Variants in UTRN observed in about 807,000 individuals in gnomAD.
UTRN encodes utrophin.
A neutral mutation model predicts 463.9 loss-of-function variants in UTRN; 283 were observed. The observed-to-expected ratio is 0.61, with a 90% CI of 0.55 to 0.67. UTRN has a LOEUF of 0.67. Among genes scored for constraint, UTRN ranks in the 30% least tolerant of loss-of-function variants. The pLI is 0.00. For synonymous variants in UTRN, 1,442 were observed against 1,431.5 expected, an observed-to-expected ratio of 1.01 and a Z score of -0.17; for missense variants, 3,922 against 4,084.3, an observed-to-expected ratio of 0.96 and a Z score of 1.08.
intron 2 of UTRN, among the ~76,000 whole-genome samples, chr6:144,293,747 G>A (rs1267584089): frequency 6.6e-6 from 1 of 152,066 alleles, no homozygotes; most frequent in African/African-American, 2.4e-5. Flanking sequence ...ATAGCTTTAG[G>A]AAATAGTTGT....
intron 53 of UTRN, among the ~76,000 whole-genome samples, chr6:144,703,682 G>A (rs1784811381): frequency 1.3e-5 from 2 of 152,162 alleles, no homozygotes; most frequent in African/African-American, 4.8e-5. Flanking sequence ...TAAATAAGAT[G>A]AGGACAGAAA....
At chr6:144,680,586 G>C (rs1041787574) in intron 52 of UTRN, among the ~76,000 whole-genome samples, 1 of 152,124 alleles carries the variant, frequency 6.6e-6, no homozygotes, top group African/African-American at 2.4e-5. Context: ...ACTTATTTCT[G>C]TGCTTAAGGC....
intron 51 of UTRN, among the ~76,000 whole-genome samples, chr6:144,610,027 AAAG>A (rs1461305583): frequency 2.6e-5 from 4 of 152,254 alleles, no homozygotes; most frequent in Non-Finnish European, 4.4e-5. Context: ...GGAACAATAA[AAAG>A]AAGAACAAGC....
intron 71 of UTRN, among the ~76,000 whole-genome samples, chr6:144,838,000 C>T (rs984126093): frequency 7.9e-5 from 12 of 152,176 alleles, no homozygotes; most frequent in Non-Finnish European, 1.6e-4. Flanking sequence ...TTTCATTCCG[C>T]GAACTTGAAG....
At chr6:144,664,802 G>C (rs1780220711) in intron 51 of UTRN, among the ~76,000 whole-genome samples, 1 of 151,434 alleles carries the variant, frequency 6.6e-6, no homozygotes, top group African/African-American at 2.4e-5. Flanking sequence ...CTCACAAACT[G>C]TTTCAAAACA....
Position 144,835,922 on chromosome 6 carries a change from C to G in UTRN, c.9808C>G (p.Leu3270Val). 6.2e-7 allele frequency: 1 copy of G among 1,614,034 alleles called. No individual in the cohort carries two copies. Among genetic ancestry groups the G allele is most frequent in the East Asian group, 2.2e-5 (1 of 44,862 alleles). The change falls in exon 70 of 75, where the codon CTG (leucine) becomes GTG (valine). Residue 3270 changes from leucine to valine, a missense_variant. Leu to Val is a conservative substitution (Grantham distance 32). Around this residue, in one of 3 missense-constraint regions of UTRN, gnomAD observed 1,309 missense variants for 1,452.6 expected, o/e 0.90. Coordinates refer to ENST00000367545, the MANE Select transcript of UTRN (RefSeq NM_007124.3). ...RGELERIIAD[L>V]EEEQRNLQVE... ...AGAACTGGAGAGGATCATTGCTGAC[C>G]TGGAGGAAGAACAAAGGTGTGCTAG...
intron 54 of UTRN, among the ~76,000 whole-genome samples, chr6:144,743,505 A>G (rs966958857): frequency 6.6e-6 from 1 of 152,216 alleles, no homozygotes; most frequent in Non-Finnish European, 1.5e-5. Context: ...GAATTGAGGT[A>G]AAATAGACTC....
At chr6:144,732,716 ATGT>A (rs1788873081) in intron 54 of UTRN, among the ~76,000 whole-genome samples, 1 of 149,706 alleles carries the variant, frequency 6.7e-6, no homozygotes, top group African/African-American at 2.5e-5. Context: ...ATGTTATGTT[ATGT>A]TATGTTATTT....
At position 144,451,477 on chromosome 6, in the gene UTRN, T is replaced by C. The variant is rs1370727166; in HGVS notation, c.2180T>C (p.Met727Thr). 3 of 1,609,008 alleles carry C rather than the reference T, an allele frequency of 1.9e-6. No individual in the cohort carries two copies. The highest frequency in any genetic ancestry group is 3.4e-5 in the Admixed American group (2 of 58,738). Residue 727 changes from methionine (M) to threonine (T), a missense_variant, in exon 18 of 75, where the codon ATG (methionine) becomes ACG (threonine). Met to Thr is a moderately conservative substitution (Grantham distance 81). Around this residue, in one of 3 missense-constraint regions of UTRN, gnomAD observed 2,349 missense variants for 2,303.8 expected, o/e 1.02. Transcript: ENST00000367545. ...EYMKMQDTSE[M>T]KKKLKALEKE... Reference sequence around the variant, plus strand: ...ATGAAGATGCAAGACACTTCCGAAATGAAAAAGAAGTTGAAGGTAAAAAAC... The same window carrying C: ...ATGAAGATGCAAGACACTTCCGAAACGAAAAAGAAGTTGAAGGTAAAAAAC...
intron 45 of UTRN, among the ~76,000 whole-genome samples, chr6:144,542,018 T>C (rs1798017411): frequency 6.6e-6 from 1 of 152,202 alleles, no homozygotes; most frequent in Non-Finnish European, 1.5e-5. Flanking sequence ...CCTGGAGGAC[T>C]CACTGTGCAT....
chr6:144,780,681 T>A (rs1438443500), intron 60 of UTRN, among the ~76,000 whole-genome samples: 2 of 152,222 alleles, frequency 1.3e-5, no homozygotes, highest in African/African-American at 2.4e-5. Flanking sequence ...TCATCTAAAC[T>A]CCTCCTTCGG....
At chr6:144,505,857 A>C (rs781654385) in intron 34 of UTRN, among the ~76,000 whole-genome samples, 3 of 152,164 alleles carry the variant, frequency 2.0e-5, no homozygotes, top group Non-Finnish European at 4.4e-5. Flanking sequence ...GTTGGGCGTT[A>C]AAGTATCCCC....
At chr6:144,468,056 A>C (rs374369549) in intron 23 of UTRN, among the ~76,000 whole-genome samples, 2 of 152,090 alleles carry the variant, frequency 1.3e-5, no homozygotes, top group East Asian at 1.9e-4. Flanking sequence ...ATGTCTTAAA[A>C]AGCTGTGGAC....
At chr6:144,592,121 C>T (rs1232256041) in intron 51 of UTRN, among the ~76,000 whole-genome samples, 1 of 151,962 alleles carries the variant, frequency 6.6e-6, no homozygotes, top group Non-Finnish European at 1.5e-5. Flanking sequence ...GTCATGAATG[C>T]TTTTTTTATG....
chr6:144,416,215 T>C (rs946355211), intron 3 of UTRN, among the ~76,000 whole-genome samples: 3 of 152,188 alleles, frequency 2.0e-5, no homozygotes, highest in African/African-American at 7.2e-5. Context: ...TGACCTGGTG[T>C]GCCTGTAGAC....
chr6:144,406,984 C>A (rs920444739), intron 3 of UTRN, among the ~76,000 whole-genome samples: 1 of 151,958 alleles, frequency 6.6e-6, no homozygotes, highest in Non-Finnish European at 1.5e-5. Context: ...ACAGTCCTTT[C>A]TCTATCTCTT....
intron 51 of UTRN, among the ~76,000 whole-genome samples, chr6:144,658,539 G>GT (rs560986312): frequency 1.9e-4 from 28 of 144,016 alleles, no homozygotes; most frequent in Admixed American, 1.5e-3. Flanking sequence ...GATTTTAGGG[G>GT]TTCCCCCCCC....
intron 13 of UTRN, 92 bp from the exon 14 acceptor site, chr6:144,444,189 T>G: frequency 1.9e-6 from 2 of 1,044,070 alleles, no homozygotes; most frequent in South Asian, 3.3e-5. Context: ...TATTCTATAA[T>G]AAAGAACAAT....
Position 144,748,474 on chromosome 6 carries a change from TACTCATTGACTC to T in UTRN, c.8169_8180del (p.Ile2725_Leu2728del). 6.2e-7 allele frequency: 1 copy of T among 1,613,980 alleles called. No homozygotes were observed. Among genetic ancestry groups the T allele is most frequent in the Non-Finnish European group, 8.5e-7 (1 of 1,179,910 alleles). On this transcript the variant is annotated inframe_deletion, in exon 55 of 75. Coordinates refer to ENST00000367545, the MANE Select transcript of UTRN (RefSeq NM_007124.3). Reference sequence around the variant, plus strand: ...AATGGCTGGAAGCCCGTGGGAGACTTACTCATTGACTCGCTGCAGGATCACATTGAAAAAATC... The same window carrying T: ...AATGGCTGGAAGCCCGTGGGAGACTTGCTGCAGGATCACATTGAAAAAATC...
Sources: gnomAD v4.1 joint callset for allele counts (sites outside exome capture counted in the v4.1 genomes callset) on GRCh38, gnomAD v4.1.1 for gene constraint, gnomAD v4.1.1 regional missense constraint, MANE v1.5 for transcripts, NCBI Gene and HGNC (gene_info 2026-07-23, HGNC 2026-07-21) for gene names.